Variants in CUX1 observed in about 807,000 individuals in gnomAD.
CUX1 encodes cut like homeobox 1, also known as protein CASP.
A neutral mutation model predicts 158.8 loss-of-function variants in CUX1; 31 were observed. The ratio of observed to expected loss-of-function variants is 0.20; its 90% confidence interval spans 0.15 to 0.26. The LOEUF is 0.26. Ranked by LOEUF, CUX1 falls within the 10% of genes least tolerant of loss-of-function variation. The probability of loss-of-function intolerance (pLI) is 1.00; values close to 1 mark genes in which losing one functional copy is unlikely to be tolerated. For missense variants in CUX1, 1,589 were observed against 2,014.6 expected (o/e 0.79, Z 4.04); for synonymous variants, 879 against 862.1 (o/e 1.02, Z -0.34).
chr7:101,833,496 A>G (rs1463391318), intron 1 of CUX1, among the ~76,000 whole-genome samples: 1 of 146,032 alleles, frequency 6.8e-6, no homozygotes, highest in Non-Finnish European at 1.5e-5. Context: ...TGGAAGCTGC[A>G]GTGACGTATG....
chr7:101,881,731 C>T (rs1158142321), intron 1 of CUX1, among the ~76,000 whole-genome samples: 2 of 151,958 alleles, frequency 1.3e-5, no homozygotes, highest in Admixed American at 6.6e-5. Flanking sequence ...GTTCTCCTGC[C>T]GAGAAAAAGG....
chr7:102,052,812 C>T (rs2130130696), intron 3 of CUX1, among the ~76,000 whole-genome samples: 1 of 152,112 alleles, frequency 6.6e-6, no homozygotes. Flanking sequence ...CACTTAGTAT[C>T]ATCTTTTTTT....
intron 2 of CUX1, among the ~76,000 whole-genome samples, chr7:102,013,927 A>G (rs1196384776): frequency 6.6e-6 from 1 of 151,480 alleles, no homozygotes; most frequent in Non-Finnish European, 1.5e-5. Flanking sequence ...CTGGTCTCGA[A>G]CTCCTGGGCT....
chr7:102,055,967 C>T (rs1824076721), intron 3 of CUX1, among the ~76,000 whole-genome samples: 1 of 152,180 alleles, frequency 6.6e-6, no homozygotes, highest in Non-Finnish European at 1.5e-5. Flanking sequence ...AAACCAGCCA[C>T]AACATTCTCT....
At chr7:102,135,964 G>T (rs1296686129) in intron 8 of CUX1, among the ~76,000 whole-genome samples, 3 of 150,526 alleles carry the variant, frequency 2.0e-5, no homozygotes, top group African/African-American at 7.3e-5. Flanking sequence ...ACAGAGCAAG[G>T]CTCTGTCTCA....
intron 21 of CUX1, among the ~76,000 whole-genome samples, chr7:102,230,142 T>C (rs1798804871): frequency 6.6e-6 from 1 of 152,152 alleles, no homozygotes; most frequent in African/African-American, 2.4e-5. Flanking sequence ...GCCTTGTGTG[T>C]CTTTTCTTTC....
At chr7:102,247,423 A>C (rs1800927909) in intron 23 of CUX1, among the ~76,000 whole-genome samples, 1 of 152,212 alleles carries the variant, frequency 6.6e-6, no homozygotes, top group Non-Finnish European at 1.5e-5. Context: ...TCGTTACTGC[A>C]CACCAGGCGC....
intron 14 of CUX1, 35 bp from the exon 15 acceptor site, chr7:102,196,599 C>G: frequency 7.0e-7 from 1 of 1,419,222 alleles, no homozygotes; most frequent in Non-Finnish European, 9.3e-7. Flanking sequence ...CCTTTGGAAT[C>G]CCCCATAATG....
intron 19 of CUX1, chr7:102,280,707 C>A: frequency 7.9e-7 from 1 of 1,265,976 alleles, no homozygotes; most frequent in East Asian, 2.4e-5. Flanking sequence ...GAACAGCGGG[C>A]AGGGTGTCCT....
At chr7:102,105,145 C>G (rs1255526634) in intron 6 of CUX1, among the ~76,000 whole-genome samples, 1 of 151,704 alleles carries the variant, frequency 6.6e-6, no homozygotes, top group Non-Finnish European at 1.5e-5. Context: ...TAAACTCTTT[C>G]TGCCTTCTCA....
chr7:102,017,012 C>T (rs1818682227), intron 2 of CUX1, among the ~76,000 whole-genome samples: 1 of 152,094 alleles, frequency 6.6e-6, no homozygotes, highest in African/African-American at 2.4e-5. Flanking sequence ...GTCCATAAAA[C>T]GTTAGCTTGG....
intron 8 of CUX1, among the ~76,000 whole-genome samples, chr7:102,119,902 G>A (rs575884473): frequency 9.2e-5 from 14 of 152,186 alleles, no homozygotes; most frequent in African/African-American, 3.4e-4. Context: ...CCCTGTGTAC[G>A]GATCTTCCCG....
At chr7:101,816,033 G>A (rs747699127), upstream of CUX1, 1 of 1,430,652 alleles carries the variant, frequency 7.0e-7, no homozygotes, top group East Asian at 3.5e-5. Flanking sequence ...GTCTCAAGAT[G>A]GCGGCCAATG....
chr7:102,090,987 A>T (rs941691782), intron 4 of CUX1, among the ~76,000 whole-genome samples: 2 of 152,200 alleles, frequency 1.3e-5, no homozygotes, highest in African/African-American at 2.4e-5. Context: ...CTGAGACTTG[A>T]ACACATGCAG....
chr7:102,281,957 C>T, intron 21 of CUX1: 1 of 1,421,008 alleles, frequency 7.0e-7, no homozygotes, highest in Non-Finnish European at 9.9e-7. Context: ...GGCACATTCA[C>T]CATCCCCAGC....
In CUX1 at chr7:102,051,119, C is replaced by G. The variant is rs184001619; in HGVS notation, c.190-19220C>G. 6.0e-3 allele frequency among the ~76,000 whole-genome samples: 911 copies of G among 152,256 alleles called. 9 individuals are homozygous for G. The highest frequency in any genetic ancestry group is 0.021 in the African/African-American group (877 of 41,540). ...GGCCCCTGCCTGCCTCCTCACCTCA[C>G]GTATCCCCAGTCACCTCCTCTGCTC... On this transcript the variant is annotated intron_variant, in intron 3 of 23. Coordinates refer to ENST00000292535, the MANE Select transcript of CUX1 (RefSeq NM_181552.4).
intron 19 of CUX1, among the ~76,000 whole-genome samples, chr7:102,280,490 G>A (rs1461225490): frequency 6.6e-6 from 1 of 152,140 alleles, no homozygotes; most frequent in Non-Finnish European, 1.5e-5. Flanking sequence ...GCGATCCATT[G>A]TGGGGACCCC....
chr7:101,989,965 T>G (rs1381418640), intron 2 of CUX1, among the ~76,000 whole-genome samples: 2 of 152,232 alleles, frequency 1.3e-5, no homozygotes, highest in African/African-American at 2.4e-5. Flanking sequence ...AATGAATTGA[T>G]AGCCTCACCA....
chr7:101,991,244 G>T (rs900447990), intron 2 of CUX1, among the ~76,000 whole-genome samples: 3 of 152,188 alleles, frequency 2.0e-5, no homozygotes, highest in Non-Finnish European at 4.4e-5. Context: ...AAGCTTTGTA[G>T]GTCCCCCTAC....
Sources: allele counts gnomAD v4.1 joint callset (sites outside exome capture counted in the v4.1 genomes callset), GRCh38; gene constraint gnomAD v4.1.1; transcripts MANE v1.5; gene names NCBI Gene and HGNC (gene_info 2026-07-23, HGNC 2026-07-21).